The following FMN1 variants were observed in gnomAD, a reference collection of about 807,000 sequenced individuals.
The protein encoded by FMN1 is formin 1.
In FMN1, 110 loss-of-function variants were observed where a neutral mutation model predicts 132.4. The observed-to-expected ratio is 0.83, with a 90% CI of 0.71 to 0.97. FMN1 has a LOEUF of 0.97. Ranked by LOEUF, FMN1 falls within the 50% of genes least tolerant of loss-of-function variation. The pLI is 0.00. For missense variants in FMN1, 1,792 were observed against 1,705.3 expected, an observed-to-expected ratio of 1.05 and a Z score of -0.90; for synonymous variants, 722 against 651.7, an observed-to-expected ratio of 1.11 and a Z score of -1.64.
intron 7 of FMN1, among the ~76,000 whole-genome samples, chr15:32,971,999 T>C (rs1042975378): frequency 5.3e-5 from 8 of 152,168 alleles, no homozygotes; most frequent in Admixed American, 3.3e-4. Context: ...AGAACACAAA[T>C]CGGGCAGTTA....
intron 4 of FMN1, among the ~76,000 whole-genome samples, chr15:33,112,790 A>G (rs2039761595): frequency 2.0e-5 from 3 of 152,164 alleles, no homozygotes; most frequent in Non-Finnish European, 4.4e-5. Flanking sequence ...GTGGGTTGCT[A>G]GGAAGTGGTG....
chr15:33,134,633 A>T (rs992095964), intron 4 of FMN1, among the ~76,000 whole-genome samples: 3 of 152,244 alleles, frequency 2.0e-5, no homozygotes, highest in Non-Finnish European at 2.9e-5. Context: ...CGAAAGGAGA[A>T]GAAAGAAAAG....
At chr15:32,901,273 T>C (rs2060289339) in intron 13 of FMN1, among the ~76,000 whole-genome samples, 5 of 152,252 alleles carry the variant, frequency 3.3e-5, no homozygotes. Context: ...TAATATTTAT[T>C]CTCTACTGAA....
At chr15:32,906,632 C>T (rs1282743657) in intron 12 of FMN1, among the ~76,000 whole-genome samples, 1 of 152,152 alleles carries the variant, frequency 6.6e-6, no homozygotes, top group Non-Finnish European at 1.5e-5. Context: ...CACTGTGCCC[C>T]AATACAACCA....
chr15:33,061,534 A>C (rs1200968700), intron 6 of FMN1, among the ~76,000 whole-genome samples: 1 of 152,120 alleles, frequency 6.6e-6, no homozygotes, highest in Non-Finnish European at 1.5e-5. Flanking sequence ...TGAAGTTACT[A>C]AACATTATCA....
At chr15:33,109,710 G>A (rs1209660810) in intron 4 of FMN1, among the ~76,000 whole-genome samples, 1 of 151,894 alleles carries the variant, frequency 6.6e-6, no homozygotes, top group African/African-American at 2.4e-5. Flanking sequence ...AGAGGAGGGA[G>A]AGAAACAGAA....
At chr15:33,134,172 C>G (rs953344507) in intron 4 of FMN1, among the ~76,000 whole-genome samples, 2 of 152,150 alleles carry the variant, frequency 1.3e-5, no homozygotes, top group Admixed American at 6.5e-5. Context: ...TGGTCTCAAA[C>G]TCCTGGGCTC....
intron 4 of FMN1, among the ~76,000 whole-genome samples, chr15:33,127,214 C>G (rs993255482): frequency 2.0e-5 from 3 of 151,508 alleles, no homozygotes; most frequent in African/African-American, 7.4e-5. Context: ...AATATAATCT[C>G]AAGAAAAATC....
intron 6 of FMN1, among the ~76,000 whole-genome samples, chr15:33,019,158 T>C (rs201224158): frequency 6.6e-6 from 1 of 152,178 alleles, no homozygotes. Context: ...TACAGAGAGC[T>C]GATTGGTCTG....
In FMN1 at chr15:32,770,726, A is replaced by C. The variant is rs939459998; in HGVS notation, c.*3584T>G. Reference sequence around the variant, plus strand: ...GGGAGGGGAGGGGAGACTGCATGCCATCTGATATTCAATTCCTCAACCATA... The same window carrying C: ...GGGAGGGGAGGGGAGACTGCATGCCCTCTGATATTCAATTCCTCAACCATA... On this transcript the variant is annotated 3_prime_UTR_variant, in exon 21 of 21. Transcript: ENST00000616417. The C allele has an allele frequency of 6.6e-6, 1 of 152,204 alleles. No homozygotes were observed. Among genetic ancestry groups the C allele is most frequent in the African/African-American group, 2.4e-5 (1 of 41,446 alleles). The allele number at this position is 152,204 out of a possible 1,614,324, so 9.4% of individuals were successfully genotyped here. A position where few individuals can be genotyped will look rare whatever the true frequency, so the allele number is the denominator to read the frequency against.
chr15:33,069,343 G>A (rs887477616), intron 5 of FMN1, among the ~76,000 whole-genome samples: 1 of 152,202 alleles, frequency 6.6e-6, no homozygotes, highest in Non-Finnish European at 1.5e-5. Context: ...CCACTAAGCA[G>A]GCATGCAGTG....
intron 6 of FMN1, among the ~76,000 whole-genome samples, chr15:33,043,281 GAACTATAACA>G (rs1281754224): frequency 6.6e-6 from 1 of 152,160 alleles, no homozygotes; most frequent in Admixed American, 6.5e-5. Flanking sequence ...TATACATCAT[GAACTATAACA>G]AATGGAGGTG....
chr15:32,985,000 A>G (rs988920169), intron 7 of FMN1, among the ~76,000 whole-genome samples: 2 of 133,868 alleles, frequency 1.5e-5, no homozygotes, highest in African/African-American at 5.3e-5. Flanking sequence ...AAAAAAAAAA[A>G]GAAGGGCAAA....
chr15:32,999,481 C>A (rs2033967894), intron 7 of FMN1, among the ~76,000 whole-genome samples: 3 of 152,056 alleles, frequency 2.0e-5, no homozygotes, highest in Non-Finnish European at 2.9e-5. Context: ...CTCTTGGGGA[C>A]AAAAAGGTAC....
intron 7 of FMN1, among the ~76,000 whole-genome samples, chr15:32,984,668 C>T (rs1050898720): frequency 4.6e-5 from 7 of 152,100 alleles, no homozygotes; most frequent in Non-Finnish European, 8.8e-5. Context: ...CTTACATCTA[C>T]GTATGGTTTA....
chr15:33,038,328 G>A lies in FMN1; in HGVS notation c.2161+26629C>T, dbSNP rs181833542. On this transcript the variant is annotated intron_variant, in intron 6 of 20. Transcript: ENST00000616417. ...ACTGATTTGCCGCCCTGCATCTTCT[G>A]TGTTTAAAAATGGTGTGACCTAATT... Among the ~76,000 whole-genome samples the A allele has an allele frequency of 2.6e-5, 4 of 152,326 alleles. No individual in the cohort carries two copies. In the East Asian group the frequency reaches 5.8e-4, roughly 22 times the overall value.
At chr15:33,116,142 A>G (rs1184978221) in intron 4 of FMN1, among the ~76,000 whole-genome samples, 1 of 152,216 alleles carries the variant, frequency 6.6e-6, no homozygotes, top group Non-Finnish European at 1.5e-5. Context: ...GGTTTTCCTT[A>G]GCCTTATTAG....
chr15:33,041,141 G>GA (rs34385804), intron 6 of FMN1, among the ~76,000 whole-genome samples: 55,504 of 148,876 alleles, frequency 0.37, 10,618 homozygotes, highest in Admixed American at 0.47. Context: ...TAAACAGATT[G>GA]AAAAAAAAAA....
intron 7 of FMN1, among the ~76,000 whole-genome samples, chr15:32,976,575 A>G (rs914731521): frequency 6.6e-6 from 1 of 152,224 alleles, no homozygotes; most frequent in African/African-American, 2.4e-5. Context: ...ATTAACTATT[A>G]TAATTTTTTT....
Sources: allele counts gnomAD v4.1 joint callset (sites outside exome capture counted in the v4.1 genomes callset), GRCh38; gene constraint gnomAD v4.1.1; transcripts MANE v1.5; gene names NCBI Gene and HGNC (gene_info 2026-07-23, HGNC 2026-07-21).